The following KIF13B variants were observed in gnomAD, a reference collection of about 807,000 sequenced individuals.
The protein encoded by KIF13B is kinesin-like protein KIF13B.
A neutral mutation model predicts 222.0 loss-of-function variants in KIF13B; 127 were observed. The observed-to-expected ratio is 0.57, with a 90% CI of 0.50 to 0.66. The LOEUF is 0.66. Ranked by LOEUF, KIF13B falls within the 30% of genes least tolerant of loss-of-function variation. The probability of loss-of-function intolerance (pLI) is 0.00; values close to 1 mark genes in which losing one functional copy is unlikely to be tolerated. For missense variants in KIF13B, 2,173 were observed against 2,379.0 expected (o/e 0.91, Z 1.80); for synonymous variants, 976 against 919.0 (o/e 1.06, Z -1.12).
At chr8:29,263,127 A>T, upstream of KIF13B, 1 of 624,318 alleles carries the variant, frequency 1.6e-6, no homozygotes, top group Non-Finnish European at 2.5e-6. Context: ...CCGGGGGCGG[A>T]GCCGGGGGTG....
chr8:29,146,166 A>G (rs1811050141), intron 18 of KIF13B: 6 of 612,022 alleles, frequency 9.8e-6, no homozygotes, highest in Admixed American at 5.7e-5. Context: ...GCCAGGTGAG[A>G]TGCAGAGTAT....
At chr8:29,256,674 T>C (rs757387644) in intron 1 of KIF13B, among the ~76,000 whole-genome samples, 31 of 152,288 alleles carry the variant, frequency 2.0e-4, no homozygotes, top group African/African-American at 6.7e-4. Context: ...AAAGCACAGG[T>C]GGGTTTTGTA....
chr8:29,244,563 T>C (rs1407658403), intron 2 of KIF13B, among the ~76,000 whole-genome samples: 1 of 152,190 alleles, frequency 6.6e-6, no homozygotes, highest in Non-Finnish European at 1.5e-5. Context: ...TAATCCACCT[T>C]GATCCTCAAT....
Position 29,116,825 on chromosome 8 carries a change from A to G in KIF13B, c.3837+6T>C, listed in dbSNP as rs761004690. The G allele has an allele frequency of 1.4e-5, 23 of 1,593,218 alleles. No individual in the cohort carries two copies. The highest frequency in any genetic ancestry group is 1.7e-5 in the Non-Finnish European group (20 of 1,164,562). ...GTTAGAGTCGTTTCTTCCACTGAAG[A>G]CTAACCTGGCGGCCGTGAACATTGA... On this transcript the variant is annotated splice_donor_region_variant and intron_variant, in intron 31 of 39. Transcript: ENST00000524189.
chr8:29,158,920 T>C (rs1395545683), intron 13 of KIF13B, among the ~76,000 whole-genome samples: 1 of 152,214 alleles, frequency 6.6e-6, no homozygotes, highest in Non-Finnish European at 1.5e-5. Context: ...AGTTTTTTCT[T>C]GATATGTGTG....
chr8:29,128,446 T>A (rs1810208302), intron 24 of KIF13B, among the ~76,000 whole-genome samples: 1 of 152,208 alleles, frequency 6.6e-6, no homozygotes, highest in South Asian at 2.1e-4. Flanking sequence ...TCAAACTCCA[T>A]TTGAGTGGCT....
At chr8:29,118,119 T>C (rs564542311) in intron 30 of KIF13B, among the ~76,000 whole-genome samples, 3 of 150,110 alleles carry the variant, frequency 2.0e-5, no homozygotes, top group East Asian at 2.0e-4. Flanking sequence ...GATCGCACCA[T>C]TGCGCTCCAG....
chr8:29,228,466 T>TAAAAAAAAAAAAAA (rs71551621), intron 2 of KIF13B, among the ~76,000 whole-genome samples: 49 of 68,216 alleles, frequency 7.2e-4, no homozygotes, highest in Non-Finnish European at 1.4e-3. Flanking sequence ...GACTCCATCT[T>TAAAAAAAAAAAAAA]AAAAAAATAT....
rs776250774 is a variant in KIF13B at position 29,180,116 on chromosome 8, A to G, written c.708T>C (p.Asp236=). 6.2e-7 allele frequency: 1 copy of G among 1,613,972 alleles called. No individual in the cohort carries two copies. Among genetic ancestry groups the G allele is most frequent in the South Asian group, 1.1e-5 (1 of 91,086 alleles). The change falls in exon 8 of 40, where the codon GAT becomes GAC. Residue 236 remains aspartate (D), a synonymous_variant. Transcript: ENST00000524189. ...FKITLTHTLY[D]VKSGTSGEKV... is the part of the protein sequence containing the mutation. ...TCTGAACACCTACCCCAGACTTCAC[A>G]TCGTAGAGAGTATGTGTGAGGGTGA... is the stretch of plus-strand genomic sequence containing the variant.
chr8:29,128,659 C>CTA, intron 24 of KIF13B, among the ~76,000 whole-genome samples: 1 of 152,044 alleles, frequency 6.6e-6, no homozygotes, highest in East Asian at 1.9e-4. Flanking sequence ...GAAGTGCGCA[C>CTA]TTGAAGGGAA....
At chr8:29,255,490 T>C (rs2130689509) in intron 1 of KIF13B, among the ~76,000 whole-genome samples, 1 of 152,228 alleles carries the variant, frequency 6.6e-6, no homozygotes, top group Non-Finnish European at 1.5e-5. Context: ...CATTATATAA[T>C]TATTCTCTTC....
chr8:29,190,899 C>T (rs767206860), intron 4 of KIF13B, 98 bp downstream of exon 4: 1 of 900,240 alleles, frequency 1.1e-6, no homozygotes, highest in South Asian at 1.3e-5. Flanking sequence ...AGAGGAAACA[C>T]ACAGTTTGGG....
At chr8:29,073,521 C>G (rs1262705802) in intron 38 of KIF13B, among the ~76,000 whole-genome samples, 2 of 152,012 alleles carry the variant, frequency 1.3e-5, no homozygotes, top group Non-Finnish European at 2.9e-5. Flanking sequence ...TTCACAGTGA[C>G]CGAAGAAAAG....
intron 10 of KIF13B, among the ~76,000 whole-genome samples, chr8:29,175,613 T>A (rs183458766): frequency 3.3e-5 from 5 of 152,328 alleles, no homozygotes; most frequent in African/African-American, 4.8e-5. Flanking sequence ...AAAGGCATCA[T>A]GAGTAAAGCT....
chr8:29,122,732 G>A, intron 28 of KIF13B, 86 bp from the exon 29 acceptor site: 1 of 1,047,792 alleles, frequency 9.5e-7, no homozygotes, highest in Non-Finnish European at 1.5e-6. Flanking sequence ...TGGCATTCAG[G>A]GCTGTTACAG....
At chr8:29,149,973 A>C (rs982880749) in intron 15 of KIF13B, among the ~76,000 whole-genome samples, 1 of 152,244 alleles carries the variant, frequency 6.6e-6, no homozygotes, top group South Asian at 2.1e-4. Flanking sequence ...AATAAATAAA[A>C]AAAAAGATAA....
intron 23 of KIF13B, among the ~76,000 whole-genome samples, chr8:29,131,654 C>T (rs1041574710): frequency 6.6e-6 from 1 of 152,206 alleles, no homozygotes; most frequent in African/African-American, 2.4e-5. Flanking sequence ...CCACTCAGAG[C>T]TATGAGCTAA....
intron 2 of KIF13B, among the ~76,000 whole-genome samples, chr8:29,208,254 T>G (rs778533090): frequency 1.3e-5 from 2 of 152,222 alleles, no homozygotes; most frequent in Non-Finnish European, 2.9e-5. Context: ...TATCACCTAC[T>G]TGGTATAGGA....
At chr8:29,087,694 AG>A (rs35358972) in intron 37 of KIF13B, among the ~76,000 whole-genome samples, 1 of 152,188 alleles carries the variant, frequency 6.6e-6, no homozygotes, top group Non-Finnish European at 1.5e-5. Flanking sequence ...TTGCAAGCCC[AG>A]GGGGAACTCT....
Sources: gnomAD v4.1 joint callset for allele counts (sites outside exome capture counted in the v4.1 genomes callset) on GRCh38, gnomAD v4.1.1 for gene constraint, MANE v1.5 for transcripts, NCBI Gene and HGNC (gene_info 2026-07-23, HGNC 2026-07-21) for gene names.